The following NAV2 variants were observed in gnomAD, a reference collection of about 807,000 sequenced individuals.
NAV2 encodes neuron navigator 2.
NAV2 carries 54 observed loss-of-function variants against 223.2 expected under a neutral mutation model. That is an observed-to-expected ratio of 0.24 (90% CI 0.19 to 0.30). The LOEUF (loss-of-function observed/expected upper bound fraction) is 0.30, where lower values mean the gene tolerates loss of function less well. Among genes scored for constraint, NAV2 ranks in the 10% least tolerant of loss-of-function variants. The pLI, the probability that NAV2 is intolerant of heterozygous loss-of-function variation, is 1.00. For missense variants in NAV2, 2,806 were observed against 3,147.5 expected (o/e 0.89, Z 2.60); for synonymous variants, 1,279 against 1,239.3 (o/e 1.03, Z -0.67).
At chr11:19,877,772 G>A (rs777824836) in intron 4 of NAV2, among the ~76,000 whole-genome samples, 7 of 151,990 alleles carry the variant, frequency 4.6e-5, no homozygotes, top group African/African-American at 1.5e-4. Context: ...GTGCCTGGCC[G>A]GCTTATCTTG....
intron 1 of NAV2, among the ~76,000 whole-genome samples, chr11:19,457,404 C>T (rs1012515578): frequency 6.6e-6 from 1 of 152,136 alleles, no homozygotes; most frequent in Non-Finnish European, 1.5e-5. Flanking sequence ...GAGGGGACAG[C>T]AAGTGCAGAT....
At chr11:19,837,825 A>G (rs899109759) in intron 2 of NAV2, among the ~76,000 whole-genome samples, 6 of 152,248 alleles carry the variant, frequency 3.9e-5, no homozygotes, top group African/African-American at 1.4e-4. Context: ...GAGCAATCAC[A>G]TGGTCTAAAG....
intron 26 of NAV2, among the ~76,000 whole-genome samples, chr11:20,084,338 T>C (rs2153669430): frequency 6.6e-6 from 1 of 152,342 alleles, no homozygotes; most frequent in South Asian, 2.1e-4. Flanking sequence ...CCTCAGGTGA[T>C]CCACCTGCTT....
intron 1 of NAV2, among the ~76,000 whole-genome samples, chr11:19,490,965 A>C (rs1389433839): frequency 6.6e-6 from 1 of 152,086 alleles, no homozygotes; most frequent in Non-Finnish European, 1.5e-5. Context: ...ATCCTTGTAC[A>C]CCTCCATCAG....
At chr11:19,831,672 G>T (rs990072663) in intron 1 of NAV2, among the ~76,000 whole-genome samples, 1 of 152,124 alleles carries the variant, frequency 6.6e-6, no homozygotes, top group Admixed American at 6.5e-5. Context: ...TCTTGTGCTT[G>T]TTGGCCTGTT....
intron 1 of NAV2, among the ~76,000 whole-genome samples, chr11:19,743,976 T>A (rs1230685026): frequency 6.6e-6 from 1 of 152,216 alleles, no homozygotes; most frequent in Admixed American, 6.5e-5. Flanking sequence ...ATGCTTCCCC[T>A]CCACTGGCCT....
At chr11:19,639,782 G>A (rs189406404) in intron 1 of NAV2, among the ~76,000 whole-genome samples, 9 of 152,308 alleles carry the variant, frequency 5.9e-5, no homozygotes, top group Middle Eastern at 3.4e-3. Flanking sequence ...CTTGTGTGGA[G>A]CGTTCTCCCA....
intron 1 of NAV2, among the ~76,000 whole-genome samples, chr11:19,809,844 A>C (rs1001308467): frequency 7.9e-5 from 12 of 152,196 alleles, no homozygotes; most frequent in Admixed American, 6.5e-4. Flanking sequence ...CTGAAGTTGT[A>C]GGTTTTGGAG....
chr11:19,530,785 A>G (rs1565021652), intron 1 of NAV2, among the ~76,000 whole-genome samples: 1 of 152,216 alleles, frequency 6.6e-6, no homozygotes, highest in Non-Finnish European at 1.5e-5. Flanking sequence ...ATTAACTCAA[A>G]ACAGCCCTGA....
At chr11:19,358,095 A>G (rs1853721684) in intron 1 of NAV2, among the ~76,000 whole-genome samples, 1 of 152,162 alleles carries the variant, frequency 6.6e-6, no homozygotes, top group African/African-American at 2.4e-5. Flanking sequence ...TTGAATCACA[A>G]TAATGACATC....
intron 1 of NAV2, among the ~76,000 whole-genome samples, chr11:19,459,909 A>T (rs374499177): frequency 1.1e-4 from 16 of 152,268 alleles, no homozygotes; most frequent in African/African-American, 3.8e-4. Flanking sequence ...GTTAGGGTGG[A>T]TTGCAAGTGG....
At chr11:19,433,334 T>G (rs1010633458) in intron 1 of NAV2, among the ~76,000 whole-genome samples, 1 of 152,148 alleles carries the variant, frequency 6.6e-6, no homozygotes, top group African/African-American at 2.4e-5. Context: ...CAGAACAGGA[T>G]GCTCTACCTG....
intron 26 of NAV2, among the ~76,000 whole-genome samples, chr11:20,083,457 A>G (rs1387839744): frequency 1.3e-5 from 2 of 152,120 alleles, no homozygotes; most frequent in East Asian, 1.9e-4. Flanking sequence ...CTATATATCA[A>G]TTTGGGATAA....
rs148928708 is a variant in NAV2, at chr11:19,880,003, G to T, written c.646G>T (p.Ala216Ser). Residue 216 changes from alanine to serine, a missense_variant, in exon 5 of 38, where the codon GCC becomes TCC. By Grantham distance (99) the Ala-to-Ser change is moderately conservative. This residue lies in a region of NAV2 where 1,167 missense variants were observed against 1,180.5 expected (regional missense o/e 0.99). Transcript: ENST00000349880. ...GCCCGCCGTATCCCAGGTGGCCGGG[G>T]CCCCCTCCCAGTGCCAGGCTGGCAC... ...LPPAVSQVAGAPSQCQAGTPQ... is the reference protein window; with the variant it reads ...LPPAVSQVAGSPSQCQAGTPQ... The T allele has an allele frequency of 3.2e-5, 52 of 1,613,606 alleles. No individual in the cohort carries two copies. Among genetic ancestry groups the T allele is most frequent in the Non-Finnish European group, 4.0e-5 (47 of 1,179,876 alleles).
intron 11 of NAV2, chr11:20,023,251 A>G: frequency 2.1e-6 from 1 of 466,254 alleles, no homozygotes; most frequent in Non-Finnish European, 3.6e-6. Context: ...AGCTGCCTAA[A>G]TCACTGTGAG....
At chr11:19,364,286 T>C (rs374279666) in intron 1 of NAV2, among the ~76,000 whole-genome samples, 127 of 152,326 alleles carry the variant, frequency 8.3e-4, no homozygotes, top group African/African-American at 2.8e-3. Flanking sequence ...CAGGAATCAG[T>C]GATGAGAACT....
At chr11:20,059,656 T>C (rs1163544365) in intron 19 of NAV2, among the ~76,000 whole-genome samples, 1 of 152,180 alleles carries the variant, frequency 6.6e-6, no homozygotes, top group African/African-American at 2.4e-5. Flanking sequence ...ATCTCCGGAC[T>C]TCTAGTCAGC....
chr11:20,114,303 C>T (rs1592226153), intron 36 of NAV2: 2 of 465,950 alleles, frequency 4.3e-6, no homozygotes, highest in East Asian at 7.4e-5. Flanking sequence ...ATTATCAAGG[C>T]TCAGAGTTTA....
intron 1 of NAV2, among the ~76,000 whole-genome samples, chr11:19,621,903 A>T (rs777731926): frequency 1.3e-5 from 2 of 152,146 alleles, no homozygotes; most frequent in Non-Finnish European, 2.9e-5. Context: ...AGTGCTATAA[A>T]TTTCCCTGTA....
Sources: gnomAD v4.1 joint callset for allele counts (sites outside exome capture counted in the v4.1 genomes callset) on GRCh38, gnomAD v4.1.1 for gene constraint, gnomAD v4.1.1 regional missense constraint, MANE v1.5 for transcripts, NCBI Gene and HGNC (gene_info 2026-07-23, HGNC 2026-07-21) for gene names.